The following ABCC9 variants were observed in gnomAD, a reference collection of about 807,000 sequenced individuals.
ABCC9 encodes the protein ATP binding cassette subfamily C member 9, also known as ATP-binding cassette sub-family C member 9.
A neutral mutation model predicts 188.3 loss-of-function variants in ABCC9; 95 were observed. That is an observed-to-expected ratio of 0.50 (90% CI 0.43 to 0.60). The LOEUF (loss-of-function observed/expected upper bound fraction) is 0.60. Ranked by LOEUF, ABCC9 falls within the 20% of genes least tolerant of loss-of-function variation. The pLI is 0.00. For synonymous variants in ABCC9, 659 were observed against 652.7 expected (o/e 1.01, Z -0.15); for missense variants, 1,102 against 1,876.3 (o/e 0.59, Z 7.62).
rs754495447 is a variant in ABCC9, at chr12:21,875,679, G to T, written c.2067C>A (p.Ser689=). ...FSWGSGLATL[S]NIDIRIPTGQ... is the part of the protein sequence containing the mutation. ...CTGTTGGAATTCGAATATCTATATT[G>T]GATAATGTAGCTAAACCACTGCCCC... The change falls in exon 17 of 40, where the codon TCC becomes TCA. Residue 689 remains serine (S), a synonymous_variant. Transcript: ENST00000261200. 6.2e-7 allele frequency: 1 copy of T among 1,612,248 alleles called. No homozygotes were observed. The highest frequency in any genetic ancestry group is 1.1e-5 in the South Asian group (1 of 91,034).
intron 6 of ABCC9, 24 bp from the exon 7 acceptor site, chr12:21,915,934 T>C: frequency 6.2e-7 from 1 of 1,601,746 alleles, no homozygotes; most frequent in Non-Finnish European, 8.5e-7. Flanking sequence ...AATTCCACAG[T>C]ATAACAATTA....
intron 30 of ABCC9, among the ~76,000 whole-genome samples, chr12:21,830,736 A>G (rs1015278763): frequency 6.6e-6 from 1 of 152,186 alleles, no homozygotes; most frequent in African/African-American, 2.4e-5. Context: ...CAGAGAACTC[A>G]GCAATCATAG....
intron 34 of ABCC9, 147 bp downstream of exon 34, chr12:21,815,616 C>CTTTT: frequency 1.1e-6 from 1 of 920,248 alleles, no homozygotes; most frequent in Admixed American, 2.1e-5. Context: ...CTATCTCTCC[C>CTTTT]TTTTTTCTTT....
intron 39 of ABCC9, among the ~76,000 whole-genome samples, chr12:21,803,763 C>A (rs1941650978): frequency 6.6e-6 from 1 of 151,460 alleles, no homozygotes; most frequent in South Asian, 2.1e-4. Context: ...AGTGTGGTGT[C>A]AATTGTAATT....
chr12:21,819,245 T>C (rs1362631002), intron 31 of ABCC9, among the ~76,000 whole-genome samples: 1 of 152,156 alleles, frequency 6.6e-6, no homozygotes, highest in Non-Finnish European at 1.5e-5. Flanking sequence ...TCAGATATGC[T>C]CACTTTCTAG....
At chr12:21,850,832 G>C (rs575059957) in intron 24 of ABCC9, among the ~76,000 whole-genome samples, 1 of 152,234 alleles carries the variant, frequency 6.6e-6, no homozygotes, top group East Asian at 1.9e-4. Context: ...TTCCTAAGCA[G>C]GCACTTGTCA....
intron 12 of ABCC9, among the ~76,000 whole-genome samples, chr12:21,900,750 A>G (rs1947703499): frequency 6.6e-6 from 1 of 152,172 alleles, no homozygotes; most frequent in African/African-American, 2.4e-5. Context: ...TGAGAACTTT[A>G]GAGAAAAAAG....
In ABCC9 at chr12:21,910,860, A is replaced by G. The variant is rs368908490; in HGVS notation, c.1130T>C (p.Ile377Thr). The change falls in exon 9 of 40, where the codon ATA becomes ACA. Residue 377 changes from isoleucine to threonine, a missense_variant. By Grantham distance (89) the Ile-to-Thr change is moderately conservative (BLOSUM62 -1). Around this residue, in one of 12 missense-constraint regions of ABCC9, gnomAD observed 305 missense variants for 573.0 expected, o/e 0.53. Coordinates refer to ENST00000261200, the MANE Select transcript of ABCC9 (RefSeq NM_020297.4). ...TFLQASYYVTIETGINLRGAL... is the reference protein window; with the variant it reads ...TFLQASYYVTTETGINLRGAL... The stretch of plus-strand genomic sequence containing the variant: ...TCCACGGAGGTTAATGCCAGTCTCT[A>G]TGGTTACATAGTAGGAAGCCTGCAA... The G allele has an allele frequency of 8.7e-6, 14 of 1,612,360 alleles. No individual in the cohort carries two copies. The highest frequency in any genetic ancestry group is 1.2e-5 in the Non-Finnish European group (14 of 1,178,774).
chr12:21,921,943 T>G (rs1948836755), intron 5 of ABCC9, among the ~76,000 whole-genome samples: 1 of 152,084 alleles, frequency 6.6e-6, no homozygotes, highest in South Asian at 2.1e-4. Flanking sequence ...TCTGTTTTTA[T>G]GCCAGTACCA....
chr12:21,849,925 T>G (rs1944873420), intron 24 of ABCC9, among the ~76,000 whole-genome samples: 1 of 152,146 alleles, frequency 6.6e-6, no homozygotes, highest in Non-Finnish European at 1.5e-5. Flanking sequence ...TTTTCATTAC[T>G]ATCTATCATA....
chr12:21,809,772 A>C (rs553447002), intron 37 of ABCC9, 80 bp downstream of exon 37: 2 of 834,760 alleles, frequency 2.4e-6, no homozygotes, highest in Admixed American at 3.7e-5. Flanking sequence ...AAGTTATGTG[A>C]TTATAGCATA....
In ABCC9 at chr12:21,799,272, GAAAAAAA is replaced by G. The variant is rs1338201083; in HGVS notation, c.*1765_*1771del. 1 of 134,452 alleles carries G rather than the reference GAAAAAAA, an allele frequency of 7.4e-6. No individual in the cohort carries two copies. The highest frequency in any genetic ancestry group is 1.6e-5 in the Non-Finnish European group (1 of 61,048). The allele number at this position is 134,452 out of a possible 1,614,324, so 8.3% of individuals were successfully genotyped here. On this transcript the variant is annotated 3_prime_UTR_variant, in exon 40 of 40. Transcript: ENST00000261200. Reference sequence around the variant, plus strand: ...TAAAAAAAAAATTAAAAAAAAAAAAGAAAAAAAAAAGATTACTTCCATGGGTAAAAAC... The same window carrying G: ...TAAAAAAAAAATTAAAAAAAAAAAAGAAAGATTACTTCCATGGGTAAAAAC...
intron 35 of ABCC9, among the ~76,000 whole-genome samples, chr12:21,814,380 G>A (rs906857986): frequency 2.6e-5 from 4 of 152,062 alleles, no homozygotes; most frequent in African/African-American, 9.7e-5. Context: ...CAAAGTGGGT[G>A]GCCTTGTTTT....
At chr12:21,936,125 C>T (rs774592166) in intron 3 of ABCC9, among the ~76,000 whole-genome samples, 68 of 152,216 alleles carry the variant, frequency 4.5e-4, no homozygotes, top group Non-Finnish European at 8.5e-4. Context: ...TGTAAATAGG[C>T]TTACAATGTG....
At chr12:21,865,094 C>A (rs1945714919) in intron 18 of ABCC9, among the ~76,000 whole-genome samples, 1 of 152,080 alleles carries the variant, frequency 6.6e-6, no homozygotes, top group African/African-American at 2.4e-5. Context: ...GGAAAGACAC[C>A]TGAAGACCTA....
chr12:21,881,488 A>T (rs1013915777), intron 16 of ABCC9, among the ~76,000 whole-genome samples: 1 of 152,202 alleles, frequency 6.6e-6, no homozygotes, highest in Non-Finnish European at 1.5e-5. Flanking sequence ...AAGAAAATTA[A>T]TGAAACACAT....
chr12:21,831,864 A>G (rs1377951082), intron 30 of ABCC9, among the ~76,000 whole-genome samples: 1 of 152,188 alleles, frequency 6.6e-6, no homozygotes, highest in Non-Finnish European at 1.5e-5. Context: ...CCAGTGGACT[A>G]CATTTGAGAT....
chr12:21,829,202 T>C (rs1592004854), intron 30 of ABCC9, 142 bp from the exon 31 acceptor site: 2 of 581,202 alleles, frequency 3.4e-6, no homozygotes, highest in Non-Finnish European at 5.9e-6. Context: ...TTTTTTTTTT[T>C]TTTTTTTTTT....
In ABCC9 at chr12:21,939,340, C is replaced by CT. The variant is rs1434473848; in HGVS notation, c.-21+1369dup. 4.6e-5 allele frequency among the ~76,000 whole-genome samples: 7 copies of CT among 152,164 alleles called. No homozygotes were observed. The South Asian group carries it at 1.0e-3, about 23-fold the overall frequency. On this transcript the variant is annotated intron_variant, in intron 2 of 39. Coordinates refer to ENST00000261200, the MANE Select transcript of ABCC9 (RefSeq NM_020297.4). ...CAACATCCAGAGTCCATGTGGCACT[C>CT]TAACAGCCAGCCTCCATTACAACCC... is the stretch of plus-strand genomic sequence containing the variant.
Sources: allele counts gnomAD v4.1 joint callset (sites outside exome capture counted in the v4.1 genomes callset), GRCh38; gene constraint gnomAD v4.1.1; regional missense constraint gnomAD v4.1.1; transcripts MANE v1.5; gene names NCBI Gene and HGNC (gene_info 2026-07-23, HGNC 2026-07-21).